The following PHF12 variants were observed in gnomAD, a reference collection of about 807,000 sequenced individuals.
The protein encoded by PHF12 is PHD factor 1.
Under a neutral mutation model 99.8 loss-of-function variants are expected in PHF12, and 6 were observed. The observed-to-expected ratio is 0.06, with a 90% CI of 0.03 to 0.12. The LOEUF is 0.12. Ranked by LOEUF, PHF12 falls within the 10% of genes least tolerant of loss-of-function variation. PHF12 has a pLI of 1.00. For synonymous variants in PHF12, 480 were observed against 514.9 expected, an observed-to-expected ratio of 0.93 and a Z score of 0.92; for missense variants, 954 against 1,300.1, an observed-to-expected ratio of 0.73 and a Z score of 4.09.
At chr17:28,937,424 A>G (rs1231313011) in intron 2 of PHF12, among the ~76,000 whole-genome samples, 2 of 152,212 alleles carry the variant, frequency 1.3e-5, no homozygotes, top group African/African-American at 4.8e-5. Context: ...CACAAAGTAC[A>G]TAAAAAGGTA....
chr17:28,926,790 C>T, intron 3 of PHF12: 16 of 1,526,090 alleles, frequency 1.0e-5, no homozygotes, highest in Non-Finnish European at 1.4e-5. Flanking sequence ...ACCTCTTCTG[C>T]CCATTTCAGC....
intron 10 of PHF12, 93 bp from the exon 11 acceptor site, chr17:28,910,462 C>T: frequency 2.8e-6 from 4 of 1,428,428 alleles, no homozygotes; most frequent in Non-Finnish European, 3.8e-6. Context: ...TTTGGCATTT[C>T]TAAAATCCAG....
chr17:28,950,396 C>CT lies in PHF12; in HGVS notation c.67-151_67-150insA. The stretch of plus-strand genomic sequence containing the variant: ...GCTGCTCCCAGAATCTCTCAGCCCC[C>CT]GGAACCAGGGGGAGCCCACCCTAAC... On this transcript the variant is annotated intron_variant, in intron 1 of 14. Coordinates refer to ENST00000332830, the MANE Select transcript of PHF12 (RefSeq NM_001033561.2). The surrounding 1 kb of genome is among the most constrained non-coding windows in gnomAD (Gnocchi z 5.7). 1.1e-6 allele frequency: 1 copy of CT among 892,778 alleles called. No homozygotes were observed. The highest frequency in any genetic ancestry group is 1.7e-6 in the Non-Finnish European group (1 of 605,336). 55.3% of individuals were successfully genotyped at this position (892,778 alleles called of 1,614,324 possible).
intron 9 of PHF12, 93 bp downstream of exon 9, chr17:28,912,389 A>T: frequency 6.8e-7 from 1 of 1,476,598 alleles, no homozygotes; most frequent in Non-Finnish European, 9.0e-7. Context: ...AGTCCTCTGA[A>T]GTATTCACAG....
At chr17:28,926,677 C>G in intron 3 of PHF12, 2 of 868,322 alleles carry the variant, frequency 2.3e-6, no homozygotes, top group Non-Finnish European at 3.2e-6. Flanking sequence ...GGAGAAGCAG[C>G]CTTTGTTTTT....
chr17:28,924,033 C>A lies in PHF12; in HGVS notation c.591G>T (p.Ala197=), dbSNP rs541676125. The A allele has an allele frequency of 6.2e-7, 1 of 1,614,162 alleles. No individual in the cohort carries two copies. The highest frequency in any genetic ancestry group is 1.1e-5 in the South Asian group (1 of 91,084). ...GCTGGGGCTGCACATAGTCTGGCTCCGCTGCTACTGGTTCCTCATCCACGT... is the reference window on the plus strand; with the variant it reads ...GCTGGGGCTGCACATAGTCTGGCTCAGCTGCTACTGGTTCCTCATCCACGT... ...IIDVDEEPVA[A]EPDYVQPQLR... The change falls in exon 4 of 15, where the codon GCG becomes GCT. Residue 197 remains alanine, a synonymous_variant. Transcript: ENST00000332830.
chr17:28,935,939 G>T (rs1169048203), intron 2 of PHF12, among the ~76,000 whole-genome samples: 2 of 152,204 alleles, frequency 1.3e-5, no homozygotes, highest in Non-Finnish European at 2.9e-5. Flanking sequence ...TATACTGACA[G>T]ATTTCTGTTT....
rs1159061015 is a variant in PHF12, at chr17:28,912,784, T to A, written c.1787A>T (p.His596Leu). ...TGTCTTCACAATGATGCCGACGGTG[T>A]GGTTCTGAAGGCCCCCAGCCGCTGG... ...TPPAAGGLQN[H>L]TVGIIVKTEN... Residue 596 changes from histidine (H) to leucine (L), a missense_variant, in exon 9 of 15, where the codon CAC becomes CTC. Around this residue, in one of 8 missense-constraint regions of PHF12, gnomAD observed 392 missense variants for 423.1 expected, o/e 0.93. Coordinates refer to ENST00000332830, the MANE Select transcript of PHF12 (RefSeq NM_001033561.2). 6.2e-7 allele frequency: 1 copy of A among 1,612,536 alleles called. No individual in the cohort carries two copies. Among genetic ancestry groups the A allele is most frequent in the South Asian group, 1.1e-5 (1 of 91,012 alleles).
Position 28,933,842 on chromosome 17 carries a change from G to A in PHF12, c.249-6779C>T, listed in dbSNP as rs150339436. Among the ~76,000 whole-genome samples the A allele has an allele frequency of 2.9e-3, 445 of 152,296 alleles. 3 individuals are homozygous for A. Among genetic ancestry groups the A allele is most frequent in the African/African-American group, 0.01 (429 of 41,556 alleles). ...GTGGGAGGACTACTTGACCCCAGGA[G>A]TTAGAGGCCAGGCTGGGCAACATGG... On this transcript the variant is annotated intron_variant, in intron 2 of 14. Transcript: ENST00000332830.
chr17:28,942,444 TAGG>T (rs1479860805), intron 2 of PHF12, among the ~76,000 whole-genome samples: 8 of 151,880 alleles, frequency 5.3e-5, no homozygotes, highest in Non-Finnish European at 1.2e-4. Context: ...TGCTTGAGAC[TAGG>T]AGTTCAAGGT....
In PHF12 at chr17:28,950,305, C is replaced by T. The variant is rs747074604; in HGVS notation, c.67-59G>A. On this transcript the variant is annotated intron_variant, in intron 1 of 14. Coordinates refer to ENST00000332830, the MANE Select transcript of PHF12 (RefSeq NM_001033561.2). This position sits in a 1 kb window ranked among gnomAD's most constrained non-coding sequence, Gnocchi z 5.7. Reference sequence around the variant, plus strand: ...TCGGAGCTCCCGGGCGGTCCGTCGCCCCCCCGGCGCGGTTTCTCCGTCACC... The same window carrying T: ...TCGGAGCTCCCGGGCGGTCCGTCGCTCCCCCGGCGCGGTTTCTCCGTCACC... 4 of 1,530,586 alleles carry T rather than the reference C, an allele frequency of 2.6e-6. No individual in the cohort carries two copies. The highest frequency in any genetic ancestry group is 1.2e-5 in the South Asian group (1 of 85,706). The allele number at this position is 1,530,586 out of a possible 1,614,324, so 94.8% of individuals were successfully genotyped here. A position where few individuals can be genotyped will look rare whatever the true frequency, so the allele number is the denominator to read the frequency against.
intron 2 of PHF12, among the ~76,000 whole-genome samples, chr17:28,936,376 G>A (rs893214828): frequency 6.6e-6 from 1 of 152,170 alleles, no homozygotes; most frequent in Admixed American, 6.5e-5. Flanking sequence ...GGGAGAGAAA[G>A]CAAGTAGATG....
In PHF12 at chr17:28,906,679, T is replaced by G; in HGVS notation, c.2681-162A>C. 1 of 1,196,514 alleles carries G rather than the reference T, an allele frequency of 8.4e-7. No individual in the cohort carries two copies. The highest frequency in any genetic ancestry group is 1.2e-6 in the Non-Finnish European group (1 of 863,268). 74.1% of individuals were successfully genotyped at this position (1,196,514 alleles called of 1,614,324 possible). A position where few individuals can be genotyped will look rare whatever the true frequency, so the allele number is the denominator to read the frequency against. ...TGGTGGAGTCTGAAGTCCCCACAGG[T>G]GTGTACACACATGGGGGTACTCAGC... On this transcript the variant is annotated intron_variant, in intron 14 of 14. Coordinates refer to ENST00000332830, the MANE Select transcript of PHF12 (RefSeq NM_001033561.2). The surrounding 1 kb of genome is among the most constrained non-coding windows in gnomAD (Gnocchi z 4.2).
rs1337201897 is a variant in PHF12 at position 28,906,470 on chromosome 17, C to G, written c.2728G>C (p.Ala910Pro). 3.1e-6 allele frequency: 5 copies of G among 1,612,964 alleles called. No individual in the cohort carries two copies. ...KQDEEPSEEA[A>P]MMSSQAQGPQ... ...CCCTGGGCCTGGGAACTCATCATGG[C>G]TGCCTCCTCACTTGGCTCTTCGTCC... is the stretch of plus-strand genomic sequence containing the variant. Residue 910 changes from alanine to proline, a missense_variant, in exon 15 of 15, where the codon GCC (alanine) becomes CCC (proline). Ala to Pro is a conservative substitution (Grantham distance 27). Transcript: ENST00000332830. This position sits in a 1 kb window ranked among gnomAD's most constrained non-coding sequence, Gnocchi z 4.2.
Position 28,950,897 on chromosome 17 carries a change from C to T in PHF12, c.64G>A (p.Glu22Lys). ...YDLDTSGGLM[E>K]QIQALLAPPK... is the part of the protein sequence containing the mutation. ...GAGATGAGGAGGGCCACTCTTACCT[C>T]CATCAGCCCCCCTGATGTGTCCAAG... The change falls in exon 1 of 15, where the codon GAG (glutamate) becomes AAG (lysine). Residue 22 changes from glutamate (E) to lysine (K), a missense_variant and splice_region_variant. By Grantham distance (56) the Glu-to-Lys change is moderately conservative. Coordinates refer to ENST00000332830, the MANE Select transcript of PHF12 (RefSeq NM_001033561.2). This position sits in a 1 kb window ranked among gnomAD's most constrained non-coding sequence, Gnocchi z 5.7. The T allele has an allele frequency of 1.2e-6, 2 of 1,613,750 alleles. No homozygotes were observed. Among genetic ancestry groups the T allele is most frequent in the Non-Finnish European group, 1.7e-6 (2 of 1,179,818 alleles).
chr17:28,910,005 G>C, intron 11 of PHF12: 1 of 706,430 alleles, frequency 1.4e-6, no homozygotes, highest in African/African-American at 1.8e-5. Flanking sequence ...ATATATGAAA[G>C]AAAGTTACAG....
chr17:28,939,372 C>T (rs1033200299), intron 2 of PHF12, among the ~76,000 whole-genome samples: 1 of 152,180 alleles, frequency 6.6e-6, no homozygotes, highest in Non-Finnish European at 1.5e-5. Flanking sequence ...ACCTATGTAT[C>T]GAACTATGAC....
chr17:28,949,014 T>G lies in PHF12; in HGVS notation c.248+1051A>C, dbSNP rs770027986. Among the ~76,000 whole-genome samples the G allele has an allele frequency of 1.3e-5, 2 of 152,182 alleles. No individual in the cohort carries two copies. Among genetic ancestry groups the G allele is most frequent in the Non-Finnish European group, 2.9e-5 (2 of 68,018 alleles). On this transcript the variant is annotated intron_variant, in intron 2 of 14. Coordinates refer to ENST00000332830, the MANE Select transcript of PHF12 (RefSeq NM_001033561.2). The surrounding 1 kb of genome is among the most constrained non-coding windows in gnomAD (Gnocchi z 4.6). ...TCTTCTTTGCCGGATTGTCCTGGGCTGAGCCGCTGAGGAGGATCACGCAGC... is the reference window on the plus strand; with the variant it reads ...TCTTCTTTGCCGGATTGTCCTGGGCGGAGCCGCTGAGGAGGATCACGCAGC...
At chr17:28,910,953 C>T in intron 10 of PHF12, 159 bp downstream of exon 10, 1 of 1,033,790 alleles carries the variant, frequency 9.7e-7, no homozygotes, top group Non-Finnish European at 1.4e-6. Context: ...CTTTTTCACC[C>T]CGCCCCCCCA....
Sources: gnomAD v4.1 joint callset for allele counts (sites outside exome capture counted in the v4.1 genomes callset) on GRCh38, gnomAD v4.1.1 for gene constraint, gnomAD v4.1.1 regional missense constraint, Gnocchi (gnomAD v3.1) non-coding constraint, MANE v1.5 for transcripts, NCBI Gene and HGNC (gene_info 2026-07-23, HGNC 2026-07-21) for gene names.